The following GABRR1 variants were observed in gnomAD, a reference collection of about 807,000 sequenced individuals.
GABRR1 encodes the protein gamma-aminobutyric acid receptor subunit rho-1.
A neutral mutation model predicts 55.5 loss-of-function variants in GABRR1; 59 were observed. The observed-to-expected ratio is 1.06, with a 90% CI of 0.86 to 1.32. The LOEUF is 1.32. Ranked by LOEUF, GABRR1 falls within the 40% of genes most tolerant of loss-of-function variation. The pLI is 0.00. For missense variants in GABRR1, 602 were observed against 619.1 expected (o/e 0.97, Z 0.29); for synonymous variants, 213 against 226.0 (o/e 0.94, Z 0.51).
At chr6:89,211,274 C>A (rs943206017) in intron 1 of GABRR1, among the ~76,000 whole-genome samples, 2 of 152,142 alleles carry the variant, frequency 1.3e-5, no homozygotes, top group African/African-American at 2.4e-5. Context: ...CTTTGTCATG[C>A]AAGACAGGGA....
chr6:89,187,060 T>C (rs1052878274), intron 6 of GABRR1, among the ~76,000 whole-genome samples: 9 of 151,484 alleles, frequency 5.9e-5, no homozygotes, highest in African/African-American at 7.3e-5. Context: ...TCAGGAGGAG[T>C]GTAGGAGTCA....
chr6:89,218,840 C>T (rs1447267357), upstream of GABRR1, among the ~76,000 whole-genome samples: 3 of 152,218 alleles, frequency 2.0e-5, no homozygotes, highest in African/African-American at 7.2e-5. Flanking sequence ...AGGAAAGTCA[C>T]TTCTAGGCAA....
intron 1 of GABRR1, 121 bp from the exon 2 acceptor site, chr6:89,203,606 GA>G (rs1158468622): frequency 5.2e-6 from 4 of 763,340 alleles, no homozygotes; most frequent in African/African-American, 3.5e-5. Flanking sequence ...AAAAGAAGAA[GA>G]AAAAACTACG....
intron 6 of GABRR1, among the ~76,000 whole-genome samples, chr6:89,189,705 T>C (rs1032053793): frequency 6.6e-6 from 1 of 152,046 alleles, no homozygotes; most frequent in Non-Finnish European, 1.5e-5. Context: ...GGTTTTAGTT[T>C]CAAATTTGTT....
intron 5 of GABRR1, among the ~76,000 whole-genome samples, chr6:89,197,105 A>T (rs776737852): frequency 3.3e-5 from 5 of 152,144 alleles, no homozygotes; most frequent in Non-Finnish European, 7.4e-5. Context: ...GTATGGAGGG[A>T]TCATCATAAA....
rs545253286 is a variant in GABRR1, at chr6:89,180,603, C to G, written c.950-115G>C. ...TCCCTCAATCTAGAATGTCTCCATCCCTGCTCCACTGCCCAGCAAACACCT... is the reference window on the plus strand; with the variant it reads ...TCCCTCAATCTAGAATGTCTCCATCGCTGCTCCACTGCCCAGCAAACACCT... On this transcript the variant is annotated intron_variant, in intron 8 of 9. Coordinates refer to ENST00000454853, the MANE Select transcript of GABRR1 (RefSeq NM_002042.5). 1.9e-5 allele frequency: 24 copies of G among 1,254,306 alleles called. No individual in the cohort carries two copies. In the African/African-American group the frequency reaches 3.5e-4, roughly 18 times the overall value. 77.7% of individuals were successfully genotyped at this position (1,254,306 alleles called of 1,614,324 possible).
At chr6:89,200,247 T>C (rs947090447) in intron 3 of GABRR1, among the ~76,000 whole-genome samples, 2 of 80,430 alleles carry the variant, frequency 2.5e-5, no homozygotes, top group Non-Finnish European at 6.3e-5. Flanking sequence ...TTCCCTTTTT[T>C]TTTTTTTTTT....
intron 5 of GABRR1, among the ~76,000 whole-genome samples, chr6:89,195,196 C>T (rs1182509800): frequency 6.6e-6 from 1 of 152,046 alleles, no homozygotes; most frequent in Non-Finnish European, 1.5e-5. Context: ...CATGGTGGCT[C>T]ACGTCTGTAA....
chr6:89,208,579 T>C (rs566958014), intron 1 of GABRR1, among the ~76,000 whole-genome samples: 48 of 152,300 alleles, frequency 3.2e-4, no homozygotes, highest in African/African-American at 1.1e-3. Context: ...ATCCAGTCAG[T>C]TGTGGGCCTT....
At chr6:89,182,645 C>T (rs1189830114) in intron 7 of GABRR1, among the ~76,000 whole-genome samples, 5 of 152,234 alleles carry the variant, frequency 3.3e-5, no homozygotes, top group South Asian at 2.1e-4. Context: ...GCAACCTCAC[C>T]GTCACCTGGG....
intron 7 of GABRR1, among the ~76,000 whole-genome samples, chr6:89,184,961 C>T (rs1771854188): frequency 6.7e-6 from 1 of 149,362 alleles, no homozygotes; most frequent in African/African-American, 2.5e-5. Context: ...TCTCAGCTCA[C>T]TGTAACCTCC....
At chr6:89,218,110 C>T (rs1182095039), upstream of GABRR1, among the ~76,000 whole-genome samples, 3 of 152,228 alleles carry the variant, frequency 2.0e-5, no homozygotes, top group East Asian at 3.9e-4. Context: ...ATCTACAGGC[C>T]GGATCTTGTG....
chr6:89,195,626 C>A (rs144383097), intron 5 of GABRR1, among the ~76,000 whole-genome samples: 273 of 152,292 alleles, frequency 1.8e-3, no homozygotes, highest in African/African-American at 6.4e-3. Flanking sequence ...GAGAGATAGT[C>A]TTTTCCAGAT....
chr6:89,184,231 G>A (rs1335906355), intron 7 of GABRR1, among the ~76,000 whole-genome samples: 3 of 141,966 alleles, frequency 2.1e-5, no homozygotes, highest in African/African-American at 8.0e-5. Flanking sequence ...CTGGGCAACA[G>A]AGTGAGACTC....
At position 89,197,503 on chromosome 6, in the gene GABRR1, C is replaced by T. The variant is rs573878869; in HGVS notation, c.572+517G>A. Among the ~76,000 whole-genome samples the T allele has an allele frequency of 7.3e-4, 111 of 152,332 alleles. 1 individual carries two copies. Among genetic ancestry groups the T allele is most frequent in the African/African-American group, 2.6e-3 (108 of 41,568 alleles). On this transcript the variant is annotated intron_variant, in intron 5 of 9. Transcript: ENST00000454853. Reference sequence around the variant, plus strand: ...ATTAAACGTTTTTAAAGTGTCTGAACTGGTGAGAAGATTTTATTCATTATA... The same window carrying T: ...ATTAAACGTTTTTAAAGTGTCTGAATTGGTGAGAAGATTTTATTCATTATA...
At chr6:89,204,084 C>T (rs544873026) in intron 1 of GABRR1, among the ~76,000 whole-genome samples, 5 of 152,300 alleles carry the variant, frequency 3.3e-5, no homozygotes, top group Admixed American at 2.0e-4. Context: ...CCCTTCTAGT[C>T]GAGGGGTAGT....
At chr6:89,182,978 T>G (rs114578824) in intron 7 of GABRR1, among the ~76,000 whole-genome samples, 2,369 of 152,104 alleles carry the variant, frequency 0.016, 59 homozygotes, top group African/African-American at 0.052. Flanking sequence ...CTCTTTAGAT[T>G]TCTTTATGGG....
intron 1 of GABRR1, among the ~76,000 whole-genome samples, chr6:89,212,832 C>G (rs1489575919): frequency 2.0e-5 from 3 of 152,074 alleles, no homozygotes; most frequent in Non-Finnish European, 4.4e-5. Context: ...CCGTGGCCAG[C>G]TACATTTTTT....
At chr6:89,201,032 T>A in intron 3 of GABRR1, 127 bp downstream of exon 3, 1 of 692,364 alleles carries the variant, frequency 1.4e-6, no homozygotes, top group Non-Finnish European at 2.6e-6. Flanking sequence ...CGATGTCTTG[T>A]CCACCAAGCA....
Sources: allele counts gnomAD v4.1 joint callset (sites outside exome capture counted in the v4.1 genomes callset), GRCh38; gene constraint gnomAD v4.1.1; transcripts MANE v1.5; gene names NCBI Gene and HGNC (gene_info 2026-07-23, HGNC 2026-07-21).